RNF213: variants seen among roughly 807,000 people sequenced by gnomAD.
The protein encoded by RNF213 is ring finger protein 213.
Under a neutral mutation model 514.4 loss-of-function variants are expected in RNF213, and 341 were observed. That is an observed-to-expected ratio of 0.66 (90% confidence interval 0.61 to 0.73). The LOEUF is 0.73. Ranked by LOEUF, RNF213 falls within the 30% of genes least tolerant of loss-of-function variation. The probability of loss-of-function intolerance (pLI) is 0.00; values close to 1 mark genes in which losing one functional copy is unlikely to be tolerated. For missense variants in RNF213, 5,767 were observed against 6,615.6 expected, an observed-to-expected ratio of 0.87 and a Z score of 4.45; for synonymous variants, 2,655 against 2,658.2, an observed-to-expected ratio of 1.00 and a Z score of 0.04.
chr17:80,373,490 C>T (rs1221538085), intron 49 of RNF213, among the ~76,000 whole-genome samples: 2 of 152,004 alleles, frequency 1.3e-5, no homozygotes, highest in Admixed American at 6.5e-5. Context: ...TTTACACTGC[C>T]TGCTGTAGGG....
chr17:80,384,945 A>T (rs1018948648), intron 59 of RNF213, 94 bp from the exon 60 acceptor site: 1 of 1,332,472 alleles, frequency 7.5e-7, no homozygotes, highest in East Asian at 2.3e-5. Context: ...TTAAGCTACA[A>T]ATACAAGTCT....
intron 8 of RNF213, among the ~76,000 whole-genome samples, chr17:80,293,061 A>AT (rs1388780453): frequency 2.0e-5 from 3 of 151,996 alleles, no homozygotes; most frequent in African/African-American, 7.3e-5. Context: ...AAACATATAT[A>AT]TATATTTTTT....
At position 80,281,143 on chromosome 17, in the gene RNF213, C is replaced by T. The variant is rs1222833030; in HGVS notation, c.262-6672C>T. Reference sequence around the variant, plus strand: ...CACTCACACACACCCCCACACCCCACTCACACCACTCACACACACCCCCAC... The same window carrying T: ...CACTCACACACACCCCCACACCCCATTCACACCACTCACACACACCCCCAC... On this transcript the variant is annotated intron_variant, in intron 3 of 67. Transcript: ENST00000582970. Among the ~76,000 whole-genome samples the T allele has an allele frequency of 1.2e-4, 15 of 129,632 alleles. No individual in the cohort carries two copies. In the Admixed American group the frequency reaches 1.2e-3, roughly 10 times the overall value. 85.0% of individuals were successfully genotyped at this position (129,632 alleles called of 152,430 possible).
intron 46 of RNF213, among the ~76,000 whole-genome samples, chr17:80,371,244 A>G (rs951938668): frequency 2.6e-5 from 4 of 152,246 alleles, no homozygotes; most frequent in Non-Finnish European, 5.9e-5. Context: ...AGACATGACC[A>G]TTTATCACTG....
intron 64 of RNF213, 168 bp downstream of exon 64, chr17:80,388,857 T>G: frequency 2.9e-6 from 2 of 687,068 alleles, no homozygotes; most frequent in South Asian, 3.1e-5. Flanking sequence ...CAAGTTTTCT[T>G]GTAGAGTAAA....
chr17:80,298,351 A>G lies in RNF213; in HGVS notation c.2043A>G (p.Gln681=), dbSNP rs376267168. The change falls in exon 11 of 68, where the codon CAA becomes CAG. Residue 681 remains glutamine (Q), a synonymous_variant. Coordinates refer to ENST00000582970, the MANE Select transcript of RNF213 (RefSeq NM_001256071.3). The part of the protein sequence containing the change: ...SWRLYLVNLC[Q]RCMDTRTYTW... ...GGCTGTACCTGGTGAACCTGTGCCA[A>G]AGATGCATGGACACAAGGACGTACA... is the stretch of plus-strand genomic sequence containing the variant. 5.1e-5 allele frequency: 82 copies of G among 1,613,978 alleles called. No individual in the cohort carries two copies. The highest frequency in any genetic ancestry group is 6.1e-5 in the Non-Finnish European group (72 of 1,180,036).
rs1317478042 is a variant in RNF213, at chr17:80,396,747, A to T, written c.*3249A>T. ...CATTTCCCCCCCACCCCCCCCCCCCAACCAGAGCAACTTTGGTCAGAAGTC... is the reference window on the plus strand; with the variant it reads ...CATTTCCCCCCCACCCCCCCCCCCCTACCAGAGCAACTTTGGTCAGAAGTC... On this transcript the variant is annotated 3_prime_UTR_variant, in exon 68 of 68. Transcript: ENST00000582970. The T allele has an allele frequency of 3.7e-5, 1 of 27,140 alleles. No individual in the cohort carries two copies. Among genetic ancestry groups the T allele is most frequent in the Non-Finnish European group, 6.6e-5 (1 of 15,132 alleles). 1.7% of individuals were successfully genotyped at this position (27,140 alleles called of 1,614,324 possible). A position where few individuals can be genotyped will look rare whatever the true frequency, so the allele number is the denominator to read the frequency against.
chr17:80,313,793 GGTGATGGTGGAGGTAATGGAGGTGA>G lies in RNF213; in HGVS notation c.2811+627_2811+651del, dbSNP rs1568051996. Among the ~76,000 whole-genome samples the G allele has an allele frequency of 2.8e-3, 390 of 141,178 alleles. 1 individual carries two copies. Among genetic ancestry groups the G allele is most frequent in the Non-Finnish European group, 4.9e-3 (311 of 63,166 alleles). The allele number at this position is 141,178 out of a possible 152,430, so 92.6% of individuals were successfully genotyped here. ...TACTGGAGGTGATGGTGGTGGTGAA[GGTGATGGTGGAGGTAATGGAGGTGA>G]TGGTGGTGGTGGAGGTGATGGTGGA... On this transcript the variant is annotated intron_variant, in intron 15 of 67. Transcript: ENST00000582970.
intron 7 of RNF213, 80 bp from the exon 8 acceptor site, chr17:80,291,548 A>C (rs2044729405): frequency 1.5e-6 from 2 of 1,374,498 alleles, no homozygotes; most frequent in Non-Finnish European, 2.1e-6. Flanking sequence ...ATAGCTTTGC[A>C]CTCCATGCTA....
intron 41 of RNF213, among the ~76,000 whole-genome samples, 168 bp downstream of exon 41, chr17:80,363,958 C>T (rs1479322822): frequency 6.6e-5 from 10 of 152,212 alleles, no homozygotes; most frequent in East Asian, 1.9e-4. Flanking sequence ...GAGTGCCAGG[C>T]GTCTCATTAG....
In RNF213 at chr17:80,350,337, C is replaced by A. The variant is rs772807916; in HGVS notation, c.10125C>A (p.Leu3375=). 6.2e-7 allele frequency: 1 copy of A among 1,611,476 alleles called. No individual in the cohort carries two copies. Among genetic ancestry groups the A allele is most frequent in the Non-Finnish European group, 8.5e-7 (1 of 1,177,654 alleles). ...CGAATACAGCCAAATGTAAAATCCT[C>A]ATTTTTCAGACAGATTTTGAAGATG... ...CLTNTAKCKI[L]IFQTDFEDGI... The change falls in exon 31 of 68, where the codon CTC becomes CTA. Residue 3375 remains leucine (L), a synonymous_variant. Coordinates refer to ENST00000582970, the MANE Select transcript of RNF213 (RefSeq NM_001256071.3).
intron 57 of RNF213, 36 bp downstream of exon 57, chr17:80,381,763 C>T (rs1351713397): frequency 6.3e-7 from 1 of 1,592,508 alleles, no homozygotes; most frequent in Non-Finnish European, 8.6e-7. Flanking sequence ...GGGGATCACA[C>T]AGCACAACGG....
chr17:80,328,141 T>C (rs1250187171), intron 19 of RNF213, among the ~76,000 whole-genome samples, 152 bp downstream of exon 19: 2 of 152,254 alleles, frequency 1.3e-5, no homozygotes, highest in African/African-American at 2.4e-5. Context: ...ATAGGGGTGG[T>C]TTATAATTCT....
intron 38 of RNF213, chr17:80,360,424 C>T (rs1173389268): frequency 8.5e-6 from 5 of 585,130 alleles, no homozygotes; most frequent in Admixed American, 5.3e-5. Context: ...AGAAACCTTT[C>T]GATCCTATGG....
intron 15 of RNF213, among the ~76,000 whole-genome samples, chr17:80,313,464 TGATGGTG>T (rs2045641377): frequency 1.2e-4 from 2 of 16,616 alleles, no homozygotes; most frequent in Non-Finnish European, 2.5e-4. Context: ...GTGGTAGAGG[TGATGGTG>T]GTGGAGGTGA....
At chr17:80,352,131 G>A (rs998826864) in intron 32 of RNF213, 3 of 270,650 alleles carry the variant, frequency 1.1e-5, no homozygotes, top group Non-Finnish European at 1.4e-5. Context: ...GGGATTACAG[G>A]TGTGAGCCAC....
intron 59 of RNF213, among the ~76,000 whole-genome samples, chr17:80,384,321 G>A (rs1039273656): frequency 6.6e-6 from 1 of 152,200 alleles, no homozygotes; most frequent in Non-Finnish European, 1.5e-5. Context: ...CCTAAGCATC[G>A]AGGCGTACGT....
At chr17:80,363,899 G>A in intron 41 of RNF213, 109 bp downstream of exon 41, 1 of 1,068,960 alleles carries the variant, frequency 9.4e-7, no homozygotes, top group South Asian at 1.3e-5. Flanking sequence ...CCTGCCATGG[G>A]AGGGGCTCCG....
chr17:80,285,919 G>A (rs6565664), intron 3 of RNF213, among the ~76,000 whole-genome samples: 2 of 152,002 alleles, frequency 1.3e-5, no homozygotes, highest in African/African-American at 4.8e-5. Context: ...CCAGTGATCC[G>A]CCTGCCTCGG....
Sources: gnomAD v4.1 joint callset for allele counts (sites outside exome capture counted in the v4.1 genomes callset) on GRCh38, gnomAD v4.1.1 for gene constraint, MANE v1.5 for transcripts, NCBI Gene and HGNC (gene_info 2026-07-23, HGNC 2026-07-21) for gene names.